CAMTA1: variants seen among roughly 807,000 people sequenced by gnomAD.
The protein encoded by CAMTA1 is calmodulin-binding transcription activator 1.
CAMTA1 carries 27 observed loss-of-function variants against 170.9 expected under a neutral mutation model. The ratio of observed to expected loss-of-function variants is 0.16; its 90% CI spans 0.12 to 0.22. The LOEUF (loss-of-function observed/expected upper bound fraction) is 0.22, where lower values mean the gene tolerates loss of function less well. CAMTA1 is among the 10% of genes least tolerant of loss of function. The probability of loss-of-function intolerance (pLI) is 1.00; values close to 1 mark genes in which losing one functional copy is unlikely to be tolerated. For missense variants in CAMTA1, 1,619 were observed against 2,217.2 expected (o/e 0.73, Z 5.42); for synonymous variants, 833 against 891.5 (o/e 0.93, Z 1.17).
intron 4 of CAMTA1, among the ~76,000 whole-genome samples, chr1:7,218,895 T>G (rs1660228324): frequency 6.6e-6 from 1 of 152,186 alleles, no homozygotes. Context: ...CTTGTTGATC[T>G]GTGTAGTTTT....
chr1:7,054,940 A>G (rs1707064601), intron 3 of CAMTA1, among the ~76,000 whole-genome samples: 1 of 152,154 alleles, frequency 6.6e-6, no homozygotes, highest in African/African-American at 2.4e-5. Flanking sequence ...ATCATAGCAG[A>G]AGATGAAGGG....
intron 3 of CAMTA1, among the ~76,000 whole-genome samples, chr1:6,859,045 A>G (rs1663625335): frequency 1.3e-5 from 2 of 152,236 alleles, no homozygotes; most frequent in South Asian, 4.1e-4. Context: ...TATACTTATA[A>G]AAGTAATAAA....
intron 5 of CAMTA1, among the ~76,000 whole-genome samples, chr1:7,324,763 C>T (rs1029887834): frequency 1.9e-4 from 29 of 149,670 alleles, no homozygotes; most frequent in East Asian, 7.9e-4. Context: ...CCCGAGATCG[C>T]GCCACTGCAC....
intron 3 of CAMTA1, among the ~76,000 whole-genome samples, chr1:6,883,123 A>G (rs1014168800): frequency 1.3e-5 from 2 of 152,018 alleles, no homozygotes; most frequent in Admixed American, 1.3e-4. Context: ...CGATCCCCTG[A>G]CTTCAAGTGA....
At chr1:7,133,129 C>T (rs1645357250) in intron 4 of CAMTA1, among the ~76,000 whole-genome samples, 1 of 152,072 alleles carries the variant, frequency 6.6e-6, no homozygotes, top group Non-Finnish European at 1.5e-5. Flanking sequence ...GTTTCTTCCG[C>T]TCCTATATTC....
rs1287776256 is a variant in CAMTA1, at chr1:6,918,117, C to G, written c.234+92907C>G. Among the ~76,000 whole-genome samples the G allele has an allele frequency of 1.3e-5, 2 of 152,136 alleles. No homozygotes were observed. Among genetic ancestry groups the G allele is most frequent in the Non-Finnish European group, 2.9e-5 (2 of 68,034 alleles). On this transcript the variant is annotated intron_variant, in intron 3 of 22. Transcript: ENST00000303635. This position sits in a 1 kb window ranked among gnomAD's most constrained non-coding sequence, Gnocchi z 4.0. ...CTTCTGTGGCTCCTAATGGTGAAGG[C>G]CTCCCATGCTCCTGTTTGGGAAGAA...
intron 5 of CAMTA1, among the ~76,000 whole-genome samples, chr1:7,288,070 T>C (rs538880129): frequency 5.0e-4 from 76 of 152,330 alleles, no homozygotes; most frequent in Admixed American, 4.6e-3. Context: ...GAGAACCCCA[T>C]GGACCAGGTG....
intron 4 of CAMTA1, among the ~76,000 whole-genome samples, chr1:7,196,281 T>C (rs1655518167): frequency 6.6e-6 from 1 of 152,224 alleles, no homozygotes; most frequent in South Asian, 2.1e-4. Context: ...GTAAGTTTCT[T>C]GAGGCCTCCC....
intron 4 of CAMTA1, among the ~76,000 whole-genome samples, chr1:7,164,498 G>A (rs374677730): frequency 3.3e-5 from 5 of 152,352 alleles, no homozygotes; most frequent in Middle Eastern, 3.4e-3. Context: ...TCCACTTGGC[G>A]CTTTATTCCA....
intron 3 of CAMTA1, among the ~76,000 whole-genome samples, chr1:7,042,820 C>T (rs961589491): frequency 2.0e-5 from 3 of 152,216 alleles, no homozygotes; most frequent in Non-Finnish European, 2.9e-5. Context: ...TAAAGGACCT[C>T]TAGGCGTTTG....
At chr1:6,980,596 G>A (rs903908550) in intron 3 of CAMTA1, among the ~76,000 whole-genome samples, 1 of 152,080 alleles carries the variant, frequency 6.6e-6, no homozygotes, top group Non-Finnish European at 1.5e-5. Context: ...CATGTGTCTT[G>A]GGAGGGACTT....
chr1:6,921,854 C>G (rs2149326331), intron 3 of CAMTA1, among the ~76,000 whole-genome samples: 2 of 152,272 alleles, frequency 1.3e-5, no homozygotes, highest in East Asian at 3.9e-4. Flanking sequence ...CCCACTGGGT[C>G]CCTCCCACAA....
chr1:7,622,548 C>T (rs1158581950), intron 6 of CAMTA1, among the ~76,000 whole-genome samples: 3 of 152,236 alleles, frequency 2.0e-5, no homozygotes, highest in Non-Finnish European at 4.4e-5. Context: ...AGCGTTCTTT[C>T]GGAGTAAGCC....
chr1:7,339,464 A>G (rs1311412396), intron 5 of CAMTA1, among the ~76,000 whole-genome samples: 1 of 152,202 alleles, frequency 6.6e-6, no homozygotes, highest in Non-Finnish European at 1.5e-5. Flanking sequence ...TGGCAGGTCT[A>G]AGACGCACAC....
chr1:6,916,495 G>A (rs540652240), intron 3 of CAMTA1, among the ~76,000 whole-genome samples: 2 of 152,188 alleles, frequency 1.3e-5, no homozygotes, highest in Non-Finnish European at 2.9e-5. Flanking sequence ...CATGTTTGCT[G>A]CACACTCCAA....
chr1:7,519,528 C>T (rs1193117510), intron 6 of CAMTA1, among the ~76,000 whole-genome samples: 11 of 151,888 alleles, frequency 7.2e-5, no homozygotes, highest in Admixed American at 7.2e-4. Context: ...CTCCAGTGTT[C>T]CTCAGCCAGG....
chr1:7,416,874 C>T (rs6577443), intron 5 of CAMTA1, among the ~76,000 whole-genome samples: 128,083 of 151,932 alleles, frequency 0.84, 55,017 homozygotes, highest in East Asian at 0.99. Context: ...TCTGTTTTTT[C>T]CCCATCTTTG....
intron 3 of CAMTA1, among the ~76,000 whole-genome samples, chr1:7,016,376 T>G (rs577221176): frequency 5.3e-5 from 8 of 152,338 alleles, no homozygotes; most frequent in East Asian, 1.9e-4. Flanking sequence ...TGGTTCATTT[T>G]TATAACCTTT....
intron 5 of CAMTA1, among the ~76,000 whole-genome samples, chr1:7,363,958 G>C (rs192616632): frequency 6.6e-6 from 1 of 152,154 alleles, no homozygotes; most frequent in Non-Finnish European, 1.5e-5. Flanking sequence ...ATAAAGTCAC[G>C]GGGGCTAAAG....
Sources: allele counts gnomAD v4.1 joint callset (sites outside exome capture counted in the v4.1 genomes callset), GRCh38; gene constraint gnomAD v4.1.1; non-coding constraint Gnocchi (gnomAD v3.1); transcripts MANE v1.5; gene names NCBI Gene and HGNC (gene_info 2026-07-23, HGNC 2026-07-21).